CALN1: variants seen among roughly 807,000 people sequenced by gnomAD.
CALN1 encodes the protein calneuron 1, also known as calcium-binding protein 8.
Under a neutral mutation model 30.6 loss-of-function variants are expected in CALN1, and 17 were observed. The ratio of observed to expected loss-of-function variants is 0.56; its 90% CI spans 0.38 to 0.83. The LOEUF (loss-of-function observed/expected upper bound fraction) is 0.83. CALN1 is among the 40% of genes least tolerant of loss of function. CALN1 has a pLI of 0.00. For missense variants in CALN1, 291 were observed against 354.9 expected, an observed-to-expected ratio of 0.82 and a Z score of 1.45; for synonymous variants, 156 against 131.4, an observed-to-expected ratio of 1.19 and a Z score of -1.28.
chr7:72,302,039 T>TAA (rs138340733), intron 2 of CALN1, among the ~76,000 whole-genome samples: 1 of 145,322 alleles, frequency 6.9e-6, no homozygotes, highest in Admixed American at 6.9e-5. Context: ...GAGAGGCTGC[T>TAA]AAAAAAAAAA....
At chr7:72,222,160 A>C (rs938375006) in intron 3 of CALN1, among the ~76,000 whole-genome samples, 1 of 152,062 alleles carries the variant, frequency 6.6e-6, no homozygotes, top group African/African-American at 2.4e-5. Context: ...TGAGAGGCAG[A>C]GATTGCAGTG....
intron 3 of CALN1, among the ~76,000 whole-genome samples, chr7:72,140,042 G>T (rs1809783341): frequency 6.6e-6 from 1 of 152,080 alleles, no homozygotes; most frequent in East Asian, 1.9e-4. Context: ...AGACTGAGGT[G>T]GGAGGATTGC....
intron 2 of CALN1, among the ~76,000 whole-genome samples, chr7:72,382,452 A>G (rs1247048006): frequency 3.3e-5 from 5 of 152,222 alleles, no homozygotes; most frequent in Admixed American, 6.5e-5. Flanking sequence ...GACTGTTATT[A>G]GAATTGCATT....
chr7:72,116,187 G>A (rs1278108412), intron 3 of CALN1, among the ~76,000 whole-genome samples: 1 of 152,150 alleles, frequency 6.6e-6, no homozygotes, highest in Non-Finnish European at 1.5e-5. Flanking sequence ...GACTTGAAAA[G>A]AAGGCTCAAG....
chr7:72,377,088 G>C (rs1470560363), intron 2 of CALN1, among the ~76,000 whole-genome samples: 1 of 152,104 alleles, frequency 6.6e-6, no homozygotes. Context: ...TTTGACTACT[G>C]TAGCCTTGTA....
chr7:72,071,560 C>G (rs1804397262), intron 4 of CALN1, among the ~76,000 whole-genome samples: 1 of 152,102 alleles, frequency 6.6e-6, no homozygotes, highest in African/African-American at 2.4e-5. Flanking sequence ...CTGAGAAGAC[C>G]TTACATTTAC....
At chr7:72,390,364 G>A (rs1278249993) in intron 2 of CALN1, among the ~76,000 whole-genome samples, 2 of 152,152 alleles carry the variant, frequency 1.3e-5, no homozygotes, top group Admixed American at 6.5e-5. Context: ...CTGGGAGGCA[G>A]AGGTTGTAGT....
At chr7:72,420,374 A>G (rs1053459742) in intron 1 of CALN1, among the ~76,000 whole-genome samples, 3 of 151,842 alleles carry the variant, frequency 2.0e-5, no homozygotes, top group African/African-American at 7.3e-5. Flanking sequence ...TGCAACCCCA[A>G]ACAGGGGCAG....
At chr7:72,368,652 G>T (rs182539864) in intron 2 of CALN1, among the ~76,000 whole-genome samples, 1 of 152,170 alleles carries the variant, frequency 6.6e-6, no homozygotes, top group East Asian at 1.9e-4. Flanking sequence ...GAGGTCATCT[G>T]AAAGTGATTG....
chr7:72,247,241 T>C (rs1299269390), intron 3 of CALN1, among the ~76,000 whole-genome samples: 8 of 40,834 alleles, frequency 2.0e-4, no homozygotes, highest in African/African-American at 4.4e-4. Flanking sequence ...TTTTTTTTTT[T>C]TTTTTTTTTT....
chr7:72,217,410 T>C (rs577670100), intron 3 of CALN1, among the ~76,000 whole-genome samples: 2 of 152,192 alleles, frequency 1.3e-5, no homozygotes, highest in African/African-American at 2.4e-5. Context: ...AACAACTCTA[T>C]AAAGCCCTGG....
intron 5 of CALN1, among the ~76,000 whole-genome samples, chr7:71,907,811 G>C (rs1794221852): frequency 1.3e-5 from 2 of 152,146 alleles, no homozygotes; most frequent in South Asian, 4.1e-4. Flanking sequence ...GTAATGTGCA[G>C]AGCACACACT....
At chr7:72,396,732 G>C (rs910333614) in intron 2 of CALN1, among the ~76,000 whole-genome samples, 1 of 152,104 alleles carries the variant, frequency 6.6e-6, no homozygotes, top group Non-Finnish European at 1.5e-5. Flanking sequence ...TTTTAATTGT[G>C]AGGGAGAAGG....
At chr7:72,431,133 T>C (rs1341311799) in intron 1 of CALN1, among the ~76,000 whole-genome samples, 1 of 152,066 alleles carries the variant, frequency 6.6e-6, no homozygotes, top group Non-Finnish European at 1.5e-5. Flanking sequence ...TTTCACCATA[T>C]TGGCCAGGCT....
chr7:72,104,912 G>A (rs1806971125), intron 4 of CALN1, among the ~76,000 whole-genome samples: 3 of 152,060 alleles, frequency 2.0e-5, no homozygotes, highest in East Asian at 1.9e-4. Context: ...AGTTGAGATC[G>A]CATCACTGTA....
intron 2 of CALN1, among the ~76,000 whole-genome samples, chr7:72,322,835 C>T (rs1032189590): frequency 2.0e-5 from 3 of 151,718 alleles, no homozygotes; most frequent in African/African-American, 7.3e-5. Context: ...AAGGGATAAA[C>T]GTTTGAGGGG....
In CALN1 at chr7:72,268,299, G is replaced by A. The variant is rs187721116; in HGVS notation, c.244+10387C>T. ...AAGGAGCTCAAGGCAGCAGGGGATC[G>A]TGTGGAGGGTAAGCAGGGAGTTGAA... On this transcript the variant is annotated intron_variant, in intron 3 of 6. Transcript: ENST00000395275. Among the ~76,000 whole-genome samples the A allele has an allele frequency of 1.8e-3, 281 of 152,192 alleles. 2 individuals carry two copies. The highest frequency in any genetic ancestry group is 0.017 in the Middle Eastern group (5 of 294).
chr7:72,406,151 G>T (rs759803726), intron 1 of CALN1, among the ~76,000 whole-genome samples: 5 of 152,208 alleles, frequency 3.3e-5, no homozygotes, highest in Admixed American at 6.5e-5. Context: ...CCCATAGCCA[G>T]AAGCCGTCTC....
Position 72,400,399 on chromosome 7 carries a change from C to G in CALN1, c.119+2852G>C, listed in dbSNP as rs567340212. ...AATCATCTTCATATGGACAGAGAAA[C>G]CCAAGAGACTTAGCTTTCTCAGATT... On this transcript the variant is annotated intron_variant, in intron 2 of 6. Coordinates refer to ENST00000395275, the MANE Select transcript of CALN1 (RefSeq NM_031468.4). Among the ~76,000 whole-genome samples the G allele has an allele frequency of 5.9e-5, 9 of 152,270 alleles. No individual in the cohort carries two copies. In the South Asian group the frequency reaches 1.9e-3, roughly 32 times the overall value.
Sources: gnomAD v4.1 joint callset for allele counts (sites outside exome capture counted in the v4.1 genomes callset) on GRCh38, gnomAD v4.1.1 for gene constraint, MANE v1.5 for transcripts, NCBI Gene and HGNC (gene_info 2026-07-23, HGNC 2026-07-21) for gene names.